The following FGD4 variants were observed in gnomAD, a reference collection of about 807,000 sequenced individuals.
FGD4 encodes FYVE, RhoGEF and PH domain containing 4.
Under a neutral mutation model 102.0 loss-of-function variants are expected in FGD4, and 42 were observed. The observed-to-expected ratio is 0.41, with a 90% CI of 0.32 to 0.53. The LOEUF (loss-of-function observed/expected upper bound fraction) is 0.53. Among genes scored for constraint, FGD4 ranks in the 20% least tolerant of loss-of-function variants. The probability of loss-of-function intolerance (pLI) is 0.21; values close to 1 mark genes in which losing one functional copy is unlikely to be tolerated. For synonymous variants in FGD4, 380 were observed against 375.7 expected (o/e 1.01, Z -0.13); for missense variants, 902 against 1,078.2 (o/e 0.84, Z 2.29).
intron 1 of FGD4, among the ~76,000 whole-genome samples, chr12:32,464,902 C>T (rs1273775015): frequency 6.6e-6 from 1 of 152,142 alleles, no homozygotes; most frequent in Non-Finnish European, 1.5e-5. Flanking sequence ...CATTAAAGTT[C>T]GAGCTTGTAC....
rs1455956779 is a variant in FGD4, at chr12:32,436,514, A to C, written c.166+36555A>C. Reference sequence around the variant, plus strand: ...TTGGCAAGCCTCAGGTTTCAGAGGAAGCACTGGAGCCAGCAGAATGCCAAA... The same window carrying C: ...TTGGCAAGCCTCAGGTTTCAGAGGACGCACTGGAGCCAGCAGAATGCCAAA... On this transcript the variant is annotated intron_variant, in intron 1 of 16. Transcript: ENST00000534526. Among the ~76,000 whole-genome samples, 32 of 152,244 alleles carry C rather than the reference A, an allele frequency of 2.1e-4. 1 individual carries two copies. The highest frequency in any genetic ancestry group is 2.1e-3 in the Admixed American group (32 of 15,288).
chr12:32,570,258 A>G (rs1360772430), intron 2 of FGD4, among the ~76,000 whole-genome samples: 4 of 151,496 alleles, frequency 2.6e-5, no homozygotes, highest in South Asian at 2.1e-4. Flanking sequence ...AAAAAAAAAA[A>G]AAAAGAAATG....
In FGD4 at chr12:32,399,883, C is replaced by G; in HGVS notation, c.90C>G (p.Pro30=). 1 of 1,530,854 alleles carries G rather than the reference C, an allele frequency of 6.5e-7. No individual in the cohort carries two copies. Among genetic ancestry groups the G allele is most frequent in the Middle Eastern group, 1.8e-4 (1 of 5,612 alleles). 94.8% of individuals were successfully genotyped at this position (1,530,854 alleles called of 1,614,324 possible). A position where few individuals can be genotyped will look rare whatever the true frequency, so the allele number is the denominator to read the frequency against. The change falls in exon 1 of 17, where the codon CCC becomes CCG. Residue 30 remains proline (P), a synonymous_variant. Transcript: ENST00000534526. ...ACCTGCCGCCCGGGGTGCCCCGGCCCTGGAGCAGGCCCGCGTCGCACCTGG... is the reference window on the plus strand; with the variant it reads ...ACCTGCCGCCCGGGGTGCCCCGGCCGTGGAGCAGGCCCGCGTCGCACCTGG... ...PSYLPPGVPR[P]WSRPASHLGR...
chr12:32,400,330 G>A (rs1220573862), intron 1 of FGD4, among the ~76,000 whole-genome samples: 2 of 152,192 alleles, frequency 1.3e-5, no homozygotes. Flanking sequence ...CCGTGGTGGA[G>A]GCCTAATACG....
chr12:32,480,468 T>C (rs1380618341), intron 1 of FGD4, among the ~76,000 whole-genome samples: 1 of 151,474 alleles, frequency 6.6e-6, no homozygotes, highest in Non-Finnish European at 1.5e-5. Flanking sequence ...AACCTGTTTG[T>C]TTTTTCTTCT....
intron 1 of FGD4, among the ~76,000 whole-genome samples, chr12:32,435,855 C>T (rs1942212125): frequency 6.6e-6 from 1 of 152,172 alleles, no homozygotes; most frequent in Non-Finnish European, 1.5e-5. Context: ...AAGTTACTTG[C>T]AGTGAGTGAG....
At chr12:32,426,099 T>C (rs1392601040) in intron 1 of FGD4, among the ~76,000 whole-genome samples, 1 of 152,298 alleles carries the variant, frequency 6.6e-6, no homozygotes, top group African/African-American at 2.4e-5. Flanking sequence ...TCCAATACTA[T>C]GTTGAATAGG....
At chr12:32,459,189 CTTT>C (rs60125522) in intron 1 of FGD4, among the ~76,000 whole-genome samples, 3 of 114,422 alleles carry the variant, frequency 2.6e-5, no homozygotes, top group African/African-American at 6.5e-5. Context: ...TTTGACACTG[CTTT>C]TTTTTTTTTT....
At chr12:32,578,586 T>C (rs1011326377) in intron 3 of FGD4, among the ~76,000 whole-genome samples, 3 of 152,120 alleles carry the variant, frequency 2.0e-5, no homozygotes, top group Admixed American at 6.5e-5. Context: ...TCCCAGCACT[T>C]TGGGAGGCCA....
At chr12:32,620,307 A>C (rs566784593) in intron 11 of FGD4, among the ~76,000 whole-genome samples, 1 of 152,160 alleles carries the variant, frequency 6.6e-6, no homozygotes, top group Non-Finnish European at 1.5e-5. Flanking sequence ...ATCAAATGAA[A>C]AGAAATGTTC....
chr12:32,643,489 A>C lies in FGD4; in HGVS notation c.*2956A>C, dbSNP rs886983554. The C allele has an allele frequency of 2.0e-5, 3 of 152,156 alleles. No individual in the cohort carries two copies. Among genetic ancestry groups the C allele is most frequent in the African/African-American group, 7.2e-5 (3 of 41,456 alleles). 9.4% of individuals were successfully genotyped at this position (152,156 alleles called of 1,614,324 possible). Reference sequence around the variant, plus strand: ...CAAGAACATTTTTACTTTAACAAAGAAAATGGATAGAAAAAGCACATTTTG... The same window carrying C: ...CAAGAACATTTTTACTTTAACAAAGCAAATGGATAGAAAAAGCACATTTTG... On this transcript the variant is annotated 3_prime_UTR_variant, in exon 17 of 17. Transcript: ENST00000534526.
chr12:32,611,318 T>C, intron 10 of FGD4, 35 bp downstream of exon 10: 1 of 1,612,802 alleles, frequency 6.2e-7, no homozygotes, highest in Non-Finnish European at 8.5e-7. Flanking sequence ...CATATAAGAA[T>C]TATATATAAA....
intron 1 of FGD4, among the ~76,000 whole-genome samples, chr12:32,438,762 C>T (rs765226329): frequency 1.3e-5 from 2 of 151,978 alleles, no homozygotes; most frequent in African/African-American, 4.8e-5. Context: ...CCCGCCACCA[C>T]GCCCAGCTAA....
chr12:32,618,853 C>T (rs986988577), intron 10 of FGD4, among the ~76,000 whole-genome samples: 6 of 152,166 alleles, frequency 3.9e-5, no homozygotes, highest in Non-Finnish European at 8.8e-5. Context: ...ATAGTCCCAC[C>T]TACTCAGAAG....
intron 1 of FGD4, among the ~76,000 whole-genome samples, chr12:32,529,859 T>A (rs2036265): frequency 0.51 from 74,786 of 145,544 alleles, 19,541 homozygotes; most frequent in Middle Eastern, 0.69. Flanking sequence ...AAAAAAAATT[T>A]AAAAAAAAAA....
intron 1 of FGD4, among the ~76,000 whole-genome samples, chr12:32,500,327 A>G (rs1938099586): frequency 6.6e-6 from 1 of 152,140 alleles, no homozygotes; most frequent in African/African-American, 2.4e-5. Flanking sequence ...GGACCAGTAA[A>G]CAGTACTTGT....
chr12:32,565,692 T>C (rs959726592), intron 2 of FGD4, among the ~76,000 whole-genome samples: 1 of 152,216 alleles, frequency 6.6e-6, no homozygotes, highest in Non-Finnish European at 1.5e-5. Flanking sequence ...GAGTTGCATG[T>C]GCCAAAATAA....
chr12:32,618,354 C>G (rs937826413), intron 10 of FGD4, among the ~76,000 whole-genome samples: 1 of 152,094 alleles, frequency 6.6e-6, no homozygotes, highest in Non-Finnish European at 1.5e-5. Flanking sequence ...CTGAGAAGTC[C>G]TTGATAGAAG....
At chr12:32,551,858 G>GA (rs1337904447) in intron 1 of FGD4, among the ~76,000 whole-genome samples, 2 of 152,102 alleles carry the variant, frequency 1.3e-5, no homozygotes, top group Non-Finnish European at 2.9e-5. Context: ...AGGCTCTGGC[G>GA]AAAAAATGTG....
Sources: allele counts gnomAD v4.1 joint callset (sites outside exome capture counted in the v4.1 genomes callset), GRCh38; gene constraint gnomAD v4.1.1; transcripts MANE v1.5; gene names NCBI Gene and HGNC (gene_info 2026-07-23, HGNC 2026-07-21).